PPEF1: variants seen among roughly 807,000 people sequenced by gnomAD.
PPEF1 encodes the protein serine/threonine-protein phosphatase with EF-hands 1.
In PPEF1, 12 loss-of-function variants were observed where a neutral mutation model predicts 53.3. The observed-to-expected ratio is 0.23, with a 90% CI of 0.14 to 0.36. The LOEUF (loss-of-function observed/expected upper bound fraction) is 0.36. PPEF1 is among the 10% of genes least tolerant of loss of function. PPEF1 has a pLI of 1.00. For missense variants in PPEF1, 334 were observed against 490.4 expected, an observed-to-expected ratio of 0.68 and a Z score of 3.01; for synonymous variants, 165 against 176.7, an observed-to-expected ratio of 0.93 and a Z score of 0.52.
At chrX:18,789,975 T>C (rs1299142272) in intron 10 of PPEF1, among the ~76,000 whole-genome samples, 1 of 112,103 alleles carries the variant, frequency 8.9e-6, no homozygotes, top group Non-Finnish European at 1.9e-5. Flanking sequence ...AACTGCTGAG[T>C]CATAAACTAA....
chrX:18,720,721 C>T (rs2044571834), intron 1 of PPEF1, among the ~76,000 whole-genome samples: 1 of 111,897 alleles, frequency 8.9e-6, no homozygotes, highest in Non-Finnish European at 1.9e-5. Flanking sequence ...TTAGCCCTTT[C>T]TTGTTTTTGC....
chrX:18,678,128 C>CAAAAAAAAAAAAAAA (rs57502489), upstream of PPEF1, among the ~76,000 whole-genome samples: 1 of 33,770 alleles, frequency 3.0e-5, no homozygotes, highest in Non-Finnish European at 5.0e-5. Context: ...GAGAACCTGG[C>CAAAAAAAAAAAAAAA]AAAAAAAAAA....
chrX:18,775,512 A>G (rs1459862305), intron 6 of PPEF1, among the ~76,000 whole-genome samples: 1 of 112,265 alleles, frequency 8.9e-6, no homozygotes, highest in African/African-American at 3.2e-5. Context: ...GGCATGAGCC[A>G]CTGTGCCCGG....
chrX:18,813,378 CAAAAAAAAA>C (rs953412612), intron 12 of PPEF1, among the ~76,000 whole-genome samples: 7 of 30,816 alleles, frequency 2.3e-4, no homozygotes, highest in African/African-American at 7.4e-4. Context: ...GACTCCGTCT[CAAAAAAAAA>C]AAAAAAAAAA....
chrX:18,690,364 T>C (rs1181741949), intron 3 of PPEF1, among the ~76,000 whole-genome samples: 1 of 104,595 alleles, frequency 9.6e-6, no homozygotes, highest in African/African-American at 3.5e-5. Context: ...ACTTGTTTTT[T>C]TTTTTTTTTT....
intron 13 of PPEF1, among the ~76,000 whole-genome samples, chrX:18,819,584 C>CT (rs1384542365): frequency 9.0e-6 from 1 of 111,306 alleles, no homozygotes. Context: ...ATCCCAGTTA[C>CT]TTGGGAGGCT....
At chrX:18,789,096 A>G (rs1197521720) in intron 9 of PPEF1, 25 bp from the exon 10 acceptor site, 1 of 1,205,452 alleles carries the variant, frequency 8.3e-7, no homozygotes, top group East Asian at 3.0e-5. Context: ...AGAGGGTTGG[A>G]CTAAAGCATG....
chrX:18,739,397 C>G (rs1020031402), intron 3 of PPEF1, among the ~76,000 whole-genome samples: 11 of 112,317 alleles, frequency 9.8e-5, no homozygotes, highest in Non-Finnish European at 2.1e-4. Context: ...TGCTGGAGGT[C>G]CACTCCAGAC....
chrX:18,824,115 C>T (rs1294535589), intron 14 of PPEF1, 29 bp downstream of exon 14: 4 of 1,153,420 alleles, frequency 3.5e-6, no homozygotes, highest in Non-Finnish European at 4.7e-6. Context: ...CAGCTAAAAC[C>T]TAGCCAGGGT....
upstream of PPEF1, among the ~76,000 whole-genome samples, chrX:18,705,148 A>G (rs2044169460): frequency 9.0e-6 from 1 of 111,574 alleles, no homozygotes. Flanking sequence ...TGGAATGTCA[A>G]AGTATCAAAA....
At chrX:18,699,132 G>GA (rs1929905175) in intron 5 of PPEF1, among the ~76,000 whole-genome samples, 1 of 111,206 alleles carries the variant, frequency 9.0e-6, no homozygotes, top group Non-Finnish European at 1.9e-5. Context: ...TACAATTTGT[G>GA]TAGCAGCCTC....
chrX:18,733,899 A>G, intron 3 of PPEF1, 91 bp downstream of exon 3: 2 of 732,888 alleles, frequency 2.7e-6, no homozygotes, highest in Non-Finnish European at 3.8e-6. Context: ...GGAGAACACT[A>G]TGAAATTAAA....
chrX:18,711,015 T>C (rs181520811), intron 1 of PPEF1, among the ~76,000 whole-genome samples: 1 of 108,185 alleles, frequency 9.2e-6, no homozygotes, highest in East Asian at 2.9e-4. Flanking sequence ...TGTGTGTGTG[T>C]GTATGTGTGT....
intron 13 of PPEF1, among the ~76,000 whole-genome samples, chrX:18,821,788 AGAGAGAGAG>A (rs2047060100): frequency 9.7e-6 from 1 of 102,746 alleles, no homozygotes; most frequent in African/African-American, 3.6e-5. Context: ...AGAGAGAGAG[AGAGAGAGAG>A]AGAGAGAAAA....
At chrX:18,805,571 A>G (rs1451581558) in intron 11 of PPEF1, among the ~76,000 whole-genome samples, 1 of 110,548 alleles carries the variant, frequency 9.0e-6, no homozygotes, top group Non-Finnish European at 1.9e-5. Context: ...CTGGCTGGGC[A>G]CGGTGGCTCA....
chrX:18,783,192 G>A (rs2046126029), intron 8 of PPEF1, among the ~76,000 whole-genome samples: 1 of 108,859 alleles, frequency 9.2e-6, no homozygotes, highest in African/African-American at 3.3e-5. Context: ...TGACCAATTT[G>A]AGTAATTTCA....
intron 1 of PPEF1, among the ~76,000 whole-genome samples, chrX:18,715,398 G>A (rs5909210): frequency 1.8e-5 from 2 of 110,906 alleles, no homozygotes; most frequent in Admixed American, 9.6e-5. Context: ...TGGGCGTGAC[G>A]GCACATGCCT....
At chrX:18,680,741 A>G (rs1402985809), upstream of PPEF1, among the ~76,000 whole-genome samples, 2 of 105,534 alleles carry the variant, frequency 1.9e-5, no homozygotes, top group African/African-American at 6.9e-5. Flanking sequence ...AGCATTGGGT[A>G]TATCTCCTAA....
chrX:18,767,822 G>A (rs1418670362), intron 6 of PPEF1, among the ~76,000 whole-genome samples: 10 of 110,916 alleles, frequency 9.0e-5, no homozygotes, highest in Admixed American at 5.8e-4. Context: ...CTCAAAGGAA[G>A]AGAGTGGTGA....
Sources: allele counts gnomAD v4.1 joint callset (sites outside exome capture counted in the v4.1 genomes callset), GRCh38; gene constraint gnomAD v4.1.1; transcripts MANE v1.5; gene names NCBI Gene and HGNC (gene_info 2026-07-23, HGNC 2026-07-21).